EIF3I: variants seen among roughly 807,000 people sequenced by gnomAD.
EIF3I encodes the protein TGF-beta receptor-interacting protein 1.
In EIF3I, 20 loss-of-function variants were observed where a neutral mutation model predicts 43.3. That is an observed-to-expected ratio of 0.46 (90% confidence interval 0.32 to 0.67). The LOEUF is 0.67. Among genes scored for constraint, EIF3I ranks in the 30% least tolerant of loss-of-function variants. EIF3I has a pLI of 0.03. For missense variants in EIF3I, 279 were observed against 421.4 expected, an observed-to-expected ratio of 0.66 and a Z score of 2.96; for synonymous variants, 167 against 151.7, an observed-to-expected ratio of 1.10 and a Z score of -0.74.
At chr1:32,230,518 C>T (rs1461810721) in intron 10 of EIF3I, among the ~76,000 whole-genome samples, 1 of 152,078 alleles carries the variant, frequency 6.6e-6, no homozygotes, top group African/African-American at 2.4e-5. Context: ...CACTGCGCCT[C>T]GGCTTCTGCT....
At chr1:32,232,650 G>A (rs539881433), downstream of EIF3I, among the ~76,000 whole-genome samples, 42 of 152,312 alleles carry the variant, frequency 2.8e-4, no homozygotes, top group Non-Finnish European at 5.0e-4. Flanking sequence ...GGCGGCTGCC[G>A]GAGAGTCCAG....
chr1:32,233,759 G>T (rs1375035778), downstream of EIF3I, among the ~76,000 whole-genome samples: 2 of 152,170 alleles, frequency 1.3e-5, no homozygotes, highest in African/African-American at 2.4e-5. Flanking sequence ...CTTGCAAAGT[G>T]GTAGAGAGCC....
At chr1:32,223,529 C>T (rs1451215321) in intron 2 of EIF3I, among the ~76,000 whole-genome samples, 1 of 152,186 alleles carries the variant, frequency 6.6e-6, no homozygotes, top group Admixed American at 6.5e-5. Flanking sequence ...AGGTGATCCG[C>T]CTGCCTCGGC....
At position 32,229,673 on chromosome 1, in the gene EIF3I, C is replaced by T. The variant is rs1639204305; in HGVS notation, c.803+465C>T. On this transcript the variant is annotated intron_variant, in intron 9 of 11. Transcript: ENST00000676679. Reference sequence around the variant, plus strand: ...TCAAGCAATTATCCTGCCTCTGCCTCCTGGGTGGCTGGGATTACAGGCACC... The same window carrying T: ...TCAAGCAATTATCCTGCCTCTGCCTTCTGGGTGGCTGGGATTACAGGCACC... Among the ~76,000 whole-genome samples the T allele has an allele frequency of 1.3e-5, 2 of 151,620 alleles. 1 individual carries two copies. The highest frequency in any genetic ancestry group is 4.9e-5 in the African/African-American group (2 of 41,222).
chr1:32,224,296 G>T, intron 3 of EIF3I, 114 bp from the exon 4 acceptor site: 1 of 1,098,540 alleles, frequency 9.1e-7, no homozygotes, highest in Non-Finnish European at 1.4e-6. Context: ...TCTGGATAAG[G>T]AGGTAAGAGG....
exon 8 of EIF3I, chr1:32,228,766 C>T (rs759750490): frequency 1.1e-5 from 17 of 1,614,032 alleles, no homozygotes; most frequent in African/African-American, 4.0e-5. Context: ...GAAGACTTTC[C>T]GGACAGAACG....
In EIF3I at chr1:32,231,037, C is replaced by T. The variant is rs1639226957; in HGVS notation, c.1007+18C>T. 3 of 1,613,412 alleles carry T rather than the reference C, an allele frequency of 1.9e-6. No homozygotes were observed. The highest frequency in any genetic ancestry group is 2.5e-6 in the Non-Finnish European group (3 of 1,179,416). On this transcript the variant is annotated intron_variant, in intron 11 of 11. Coordinates refer to ENST00000676679, the Ensembl canonical transcript of EIF3I. ...GGCAAGAGGTAGGGTACCAGTGAAG[C>T]AGCTGACCTAAGCCTGGGTTGGGTC...
At chr1:32,222,928 T>G (rs1639051652) in intron 2 of EIF3I, among the ~76,000 whole-genome samples, 1 of 152,142 alleles carries the variant, frequency 6.6e-6, no homozygotes, top group Admixed American at 6.5e-5. Context: ...AAGACCCATC[T>G]CTACACACAA....
exon 10 of EIF3I, among the ~76,000 whole-genome samples, chr1:32,230,342 C>A (rs1639216363): frequency 1.3e-5 from 2 of 152,130 alleles, no homozygotes; most frequent in South Asian, 4.1e-4. Context: ...TCAAGCGATC[C>A]TTCTACCTCA....
In EIF3I at chr1:32,226,587, G is replaced by C. The variant is rs1639150612; in HGVS notation, c.528+57G>C. ...GAATAATTTTTTTTTTTTTTTTTAA[G>C]ATAGAGTCTCTCTCTGTTGCCCAGG... On this transcript the variant is annotated intron_variant, in intron 6 of 11. Coordinates refer to ENST00000676679, the Ensembl canonical transcript of EIF3I. 5 of 1,304,650 alleles carry C rather than the reference G, an allele frequency of 3.8e-6. No homozygotes were observed. The South Asian group carries it at 9.4e-5, about 25-fold the overall frequency. The allele number at this position is 1,304,650 out of a possible 1,614,324, so 80.8% of individuals were successfully genotyped here. A position where few individuals can be genotyped will look rare whatever the true frequency, so the allele number is the denominator to read the frequency against.
chr1:32,225,102 G>C (rs540255711), intron 4 of EIF3I, among the ~76,000 whole-genome samples: 1 of 152,066 alleles, frequency 6.6e-6, no homozygotes, highest in Admixed American at 6.6e-5. Context: ...CCAAAGTGCT[G>C]GGATTACAGG....
intron 11 of EIF3I, 42 bp downstream of exon 10, chr1:32,231,061 T>G: frequency 6.2e-7 from 1 of 1,613,282 alleles, no homozygotes; most frequent in Middle Eastern, 1.7e-4. Flanking sequence ...CTGGGTTGGG[T>G]CTCTGCCTTT....
downstream of EIF3I, chr1:32,231,941 A>C (rs1357973779): frequency 1.3e-5 from 2 of 153,014 alleles, no homozygotes; most frequent in Non-Finnish European, 2.9e-5. Context: ...CTGCAGGCTC[A>C]GGTGAGCAGG....
chr1:32,227,403 GTT>G (rs1290500500), intron 6 of EIF3I, among the ~76,000 whole-genome samples: 5 of 151,748 alleles, frequency 3.3e-5, no homozygotes, highest in Non-Finnish European at 2.9e-5. Context: ...CTCTGACCCT[GTT>G]TATCTGTAAA....
chr1:32,223,969 G>A, intron 2 of EIF3I, 65 bp from the exon 3 acceptor site: 2 of 1,505,216 alleles, frequency 1.3e-6, no homozygotes, highest in Non-Finnish European at 9.2e-7. Flanking sequence ...GAGGGTTCCT[G>A]GGGCAAAATA....
At chr1:32,227,275 TAAAAAAAAA>T (rs1005926284) in intron 6 of EIF3I, among the ~76,000 whole-genome samples, 1 of 55,426 alleles carries the variant, frequency 1.8e-5, no homozygotes, top group South Asian at 5.8e-4. Flanking sequence ...ACCCTGTCTC[TAAAAAAAAA>T]AAAAAAAAAA....
chr1:32,229,547 CTTTTT>C (rs1199129615), intron 9 of EIF3I, among the ~76,000 whole-genome samples: 1 of 104,486 alleles, frequency 9.6e-6, no homozygotes, highest in African/African-American at 3.7e-5. Flanking sequence ...CGTGCCCAGC[CTTTTT>C]TTTTTTTTTT....
At chr1:32,229,300 G>C (rs1354132878) in intron 9 of EIF3I, 92 bp downstream of exon 9, 1 of 1,367,220 alleles carries the variant, frequency 7.3e-7, no homozygotes, top group Non-Finnish European at 1.0e-6. Flanking sequence ...TCGCTCTGTC[G>C]CCTAGGCTGG....
chr1:32,232,976 C>T (rs907978606), downstream of EIF3I, among the ~76,000 whole-genome samples: 1 of 151,998 alleles, frequency 6.6e-6, no homozygotes, highest in Non-Finnish European at 1.5e-5. Context: ...ATAAAAATAC[C>T]ACTTCTTTTA....
Sources: allele counts gnomAD v4.1 joint callset (sites outside exome capture counted in the v4.1 genomes callset), GRCh38; gene constraint gnomAD v4.1.1; transcripts MANE v1.5; gene names NCBI Gene and HGNC (gene_info 2026-07-23, HGNC 2026-07-21).